Variants in PCDHA4 observed in about 807,000 individuals in gnomAD.
The protein encoded by PCDHA4 is protocadherin alpha-4.
A neutral mutation model predicts 61.4 loss-of-function variants in PCDHA4; 49 were observed. That is an observed-to-expected ratio of 0.80 (90% CI 0.63 to 1.01). The LOEUF is 1.01. PCDHA4 is among the 50% of genes least tolerant of loss of function. The pLI is 0.00. For synonymous variants in PCDHA4, 590 were observed against 550.3 expected, an observed-to-expected ratio of 1.07 and a Z score of -1.01; for missense variants, 1,254 against 1,235.8, an observed-to-expected ratio of 1.01 and a Z score of -0.22.
chr5:140,842,488 G>A, intron 1 of PCDHA4: 3 of 1,613,912 alleles, frequency 1.9e-6, no homozygotes, highest in Non-Finnish European at 1.7e-6. Flanking sequence ...CCTGCTCCCT[G>A]ATGCCCCATG....
Position 140,884,512 on chromosome 5 carries a change from G to A in PCDHA4, c.2385+74940G>A, listed in dbSNP as rs782026771. 4.3e-5 allele frequency: 70 copies of A among 1,614,202 alleles called. No individual in the cohort carries two copies. The Middle Eastern group carries it at 4.9e-4, about 11-fold the overall frequency. ...TGTGCTCCAGCGCGGCAGGGAGTTG[G>A]TCGTACTCGCAGCAGAGGCGGCCGA... is the stretch of plus-strand genomic sequence containing the variant. On this transcript the variant is annotated intron_variant, in intron 1 of 3. Transcript: ENST00000530339.
At chr5:140,848,694 G>A (rs2150417748) in intron 1 of PCDHA4, 1 of 1,592,460 alleles carries the variant, frequency 6.3e-7, no homozygotes, top group Admixed American at 1.7e-5. Context: ...GTTCCAGTTG[G>A]ATTCCAAAGG....
At chr5:140,845,150 G>A (rs1193499376) in intron 1 of PCDHA4, among the ~76,000 whole-genome samples, 2 of 149,470 alleles carry the variant, frequency 1.3e-5, no homozygotes, top group African/African-American at 4.9e-5. Context: ...AACACATTGT[G>A]TAAAAGCGAA....
At chr5:140,994,236 A>G (rs1222556974) in intron 3 of PCDHA4, among the ~76,000 whole-genome samples, 3 of 152,170 alleles carry the variant, frequency 2.0e-5, no homozygotes, top group African/African-American at 4.8e-5. Context: ...GTTATAATCA[A>G]TTCAAACCCT....
At chr5:140,943,405 A>G (rs1030211474) in intron 1 of PCDHA4, among the ~76,000 whole-genome samples, 2 of 152,164 alleles carry the variant, frequency 1.3e-5, no homozygotes, top group Non-Finnish European at 2.9e-5. Flanking sequence ...ATTTAAATTC[A>G]GACTAGAGGC....
At chr5:140,875,905 T>A (rs1554168057) in intron 1 of PCDHA4, 1 of 1,614,222 alleles carries the variant, frequency 6.2e-7, no homozygotes, top group Admixed American at 1.7e-5. Flanking sequence ...TGTTTCTGAA[T>A]CTGCGCCTCT....
At position 140,808,279 on chromosome 5, in the gene PCDHA4, A is replaced by G. The variant is rs782098694; in HGVS notation, c.1092A>G (p.Pro364=). The change falls in exon 1 of 4, where the codon CCA becomes CCG. Residue 364 remains proline, a synonymous_variant. Transcript: ENST00000530339. ...CACTTCCAATTAGAGAGGACGCTCC[A>G]CTGGGTACAGTCATCGCCCTGATCA... ...SLSLPIREDA[P]LGTVIALISV... 3.7e-6 allele frequency: 6 copies of G among 1,614,130 alleles called. No individual in the cohort carries two copies. The South Asian group carries it at 5.5e-5, about 15-fold the overall frequency.
intron 1 of PCDHA4, chr5:140,929,431 C>T (rs155360): frequency 0.52 from 779,088 of 1,485,262 alleles, 207,160 homozygotes; most frequent in African/African-American, 0.75. Context: ...ATCAATTGAA[C>T]TAAACACTCC....
At chr5:140,995,515 C>T (rs1476035141) in intron 3 of PCDHA4, among the ~76,000 whole-genome samples, 2 of 152,078 alleles carry the variant, frequency 1.3e-5, no homozygotes, top group East Asian at 1.9e-4. Context: ...TAACTGAAGC[C>T]TCAGAAATCA....
At chr5:140,925,187 C>T (rs2082372782) in intron 1 of PCDHA4, among the ~76,000 whole-genome samples, 1 of 152,134 alleles carries the variant, frequency 6.6e-6, no homozygotes, top group Admixed American at 6.5e-5. Flanking sequence ...TGTACCATCA[C>T]CCAGCTTCAA....
intron 1 of PCDHA4, chr5:140,871,292 C>G: frequency 1.2e-6 from 2 of 1,613,890 alleles, no homozygotes; most frequent in Non-Finnish European, 8.5e-7. Context: ...ACTGAGGGCG[C>G]GTGCGCGCCG....
chr5:140,958,873 A>G (rs1554223676), intron 1 of PCDHA4, among the ~76,000 whole-genome samples: 1 of 152,100 alleles, frequency 6.6e-6, no homozygotes, highest in East Asian at 1.9e-4. Context: ...TTTATAAAAG[A>G]ATTGACCAGT....
At chr5:140,869,551 TCG>T in intron 1 of PCDHA4, 1 of 1,614,218 alleles carries the variant, frequency 6.2e-7, no homozygotes, top group Non-Finnish European at 8.5e-7. Context: ...GCAATCGGAC[TCG>T]CGTTTTCCAC....
chr5:140,889,077 T>G (rs1476404733), intron 1 of PCDHA4, among the ~76,000 whole-genome samples: 1 of 152,076 alleles, frequency 6.6e-6, no homozygotes, highest in Non-Finnish European at 1.5e-5. Flanking sequence ...CTTATTTTGT[T>G]AAATTTTCAA....
intron 1 of PCDHA4, 79 bp downstream of exon 1, chr5:140,809,651 T>G (rs1238154320): frequency 1.8e-5 from 27 of 1,495,556 alleles, no homozygotes; most frequent in Admixed American, 2.3e-5. Flanking sequence ...TTTCTAAGAG[T>G]CAAATTTCCC....
chr5:140,849,506 T>C, intron 1 of PCDHA4: 1 of 1,596,374 alleles, frequency 6.3e-7, no homozygotes, highest in African/African-American at 1.4e-5. Context: ...GTACACTTCT[T>C]GTGGAAGTTG....
chr5:140,861,804 T>C (rs36095340), intron 1 of PCDHA4: 19,400 of 158,354 alleles, frequency 0.12, 1,289 homozygotes, highest in Middle Eastern at 0.19. Flanking sequence ...AGGTGTATTT[T>C]AAAAATTCTT....
intron 1 of PCDHA4, among the ~76,000 whole-genome samples, chr5:140,915,080 G>T (rs1279074888): frequency 6.6e-6 from 1 of 151,664 alleles, no homozygotes; most frequent in Non-Finnish European, 1.5e-5. Context: ...TGAGTAGCTG[G>T]GACTATGGGC....
In PCDHA4 at chr5:140,966,446, C is replaced by T. The variant is rs2096003680; in HGVS notation, c.2386-12503C>T. Reference sequence around the variant, plus strand: ...CTGAGCCCTCCTACCGCTCCCTTTCCCCCTCCCCCTCTGTCTTCCCTTCTG... The same window carrying T: ...CTGAGCCCTCCTACCGCTCCCTTTCTCCCTCCCCCTCTGTCTTCCCTTCTG... On this transcript the variant is annotated intron_variant, in intron 1 of 3. Transcript: ENST00000530339. 7 of 424,490 alleles carry T rather than the reference C, an allele frequency of 1.6e-5. No homozygotes were observed. The East Asian group carries it at 2.5e-4, about 15-fold the overall frequency. 26.3% of individuals were successfully genotyped at this position (424,490 alleles called of 1,614,324 possible).
Sources: allele counts gnomAD v4.1 joint callset (sites outside exome capture counted in the v4.1 genomes callset), GRCh38; gene constraint gnomAD v4.1.1; transcripts MANE v1.5; gene names NCBI Gene and HGNC (gene_info 2026-07-23, HGNC 2026-07-21).